The following SNTG1 variants were observed in gnomAD, a reference collection of about 807,000 sequenced individuals.
The protein encoded by SNTG1 is syntrophin gamma 1.
A neutral mutation model predicts 74.7 loss-of-function variants in SNTG1; 39 were observed. The ratio of observed to expected loss-of-function variants is 0.52; its 90% confidence interval spans 0.40 to 0.68. SNTG1 has a LOEUF of 0.68. Ranked by LOEUF, SNTG1 falls within the 30% of genes least tolerant of loss-of-function variation. The pLI is 0.00. For missense variants in SNTG1, 685 were observed against 609.5 expected (o/e 1.12, Z -1.30); for synonymous variants, 254 against 217.1 (o/e 1.17, Z -1.49).
In SNTG1 at chr8:50,624,884, T is replaced by C. The variant is rs552763645; in HGVS notation, c.850-32025T>C. ...AGACACAAGGAAAGTGACTCTGTCT[T>C]CCACACGGAGACGTTCATAGAGTCA... is the stretch of plus-strand genomic sequence containing the variant. On this transcript the variant is annotated intron_variant, in intron 13 of 18. Transcript: ENST00000642720. 3.9e-5 allele frequency among the ~76,000 whole-genome samples: 6 copies of C among 152,260 alleles called. No homozygotes were observed. In the South Asian group the frequency reaches 1.2e-3, roughly 32 times the overall value.
chr8:49,996,868 C>T (rs1435745668), intron 1 of SNTG1, among the ~76,000 whole-genome samples: 4 of 152,042 alleles, frequency 2.6e-5, no homozygotes, highest in Non-Finnish European at 4.4e-5. Flanking sequence ...TAGATTGTGG[C>T]AATCCTGGAA....
intron 1 of SNTG1, among the ~76,000 whole-genome samples, chr8:49,969,856 CT>C (rs1267161644): frequency 2.0e-5 from 3 of 151,890 alleles, no homozygotes; most frequent in Admixed American, 2.0e-4. Flanking sequence ...TTCACTCTTC[CT>C]CAGCCACACT....
At chr8:50,550,062 G>T (rs1370510309) in intron 11 of SNTG1, among the ~76,000 whole-genome samples, 1 of 152,130 alleles carries the variant, frequency 6.6e-6, no homozygotes, top group African/African-American at 2.4e-5. Flanking sequence ...GAACTAAGTT[G>T]CTTCATCTTC....
intron 4 of SNTG1, 56 bp downstream of exon 4, chr8:50,402,400 A>G: frequency 6.5e-7 from 1 of 1,539,078 alleles, no homozygotes; most frequent in Non-Finnish European, 8.7e-7. Flanking sequence ...GTTAATAAAA[A>G]TGTTTATTCA....
intron 18 of SNTG1, among the ~76,000 whole-genome samples, chr8:50,778,425 G>C (rs374389415): frequency 0.02 from 3,001 of 151,862 alleles, 91 homozygotes; most frequent in African/African-American, 0.065. Flanking sequence ...TCTCATTGTG[G>C]TTTTGATTTG....
intron 13 of SNTG1, among the ~76,000 whole-genome samples, chr8:50,646,382 T>C (rs1396691919): frequency 6.6e-6 from 1 of 152,184 alleles, no homozygotes; most frequent in Non-Finnish European, 1.5e-5. Flanking sequence ...AATTTGCATT[T>C]CCAATAGGTT....
intron 1 of SNTG1, among the ~76,000 whole-genome samples, chr8:50,132,221 A>G (rs187515829): frequency 4.5e-4 from 68 of 152,324 alleles, no homozygotes; most frequent in Non-Finnish European, 6.3e-4. Context: ...AAAAAGTCAT[A>G]TAATTTTTTA....
chr8:50,660,362 G>GAA (rs1563708214), intron 15 of SNTG1, among the ~76,000 whole-genome samples: 51 of 131,452 alleles, frequency 3.9e-4, no homozygotes, highest in African/African-American at 1.6e-3. Context: ...GAAAGAAAGA[G>GAA]AGAGAGAGAA....
intron 15 of SNTG1, among the ~76,000 whole-genome samples, chr8:50,678,668 C>G (rs1256800898): frequency 1.4e-4 from 22 of 152,176 alleles, no homozygotes; most frequent in African/African-American, 3.9e-4. Context: ...TTCAGCCAAA[C>G]TTTATCTGAA....
intron 2 of SNTG1, among the ~76,000 whole-genome samples, chr8:50,186,660 C>T (rs1014013776): frequency 3.3e-5 from 5 of 151,684 alleles, no homozygotes; most frequent in African/African-American, 1.2e-4. Context: ...TTGTTGGCGG[C>T]ATAAATGTCT....
At chr8:50,621,681 C>T (rs996640552) in intron 13 of SNTG1, among the ~76,000 whole-genome samples, 4 of 152,100 alleles carry the variant, frequency 2.6e-5, no homozygotes, top group African/African-American at 9.7e-5. Context: ...CTCATTAATG[C>T]ATTATCCTGA....
At chr8:50,495,639 AACAGTAACAGCTCTTGTG>A (rs1471572959) in intron 8 of SNTG1, among the ~76,000 whole-genome samples, 4 of 152,170 alleles carry the variant, frequency 2.6e-5, no homozygotes, top group African/African-American at 4.8e-5. Context: ...TTTCCAATCC[AACAGTAACAGCTCTTGTG>A]AATATTACAG....
chr8:50,366,691 AT>A (rs889527614), intron 2 of SNTG1, among the ~76,000 whole-genome samples: 13 of 146,670 alleles, frequency 8.9e-5, no homozygotes, highest in Non-Finnish European at 1.9e-4. Flanking sequence ...TTTTATATAT[AT>A]TTTATATAAT....
chr8:50,788,887 G>A (rs1050384610), intron 18 of SNTG1, among the ~76,000 whole-genome samples: 2 of 151,864 alleles, frequency 1.3e-5, no homozygotes, highest in Non-Finnish European at 2.9e-5. Context: ...TCCATGTCCA[G>A]CCTCTCCATT....
chr8:50,508,997 T>A (rs2094037900), intron 9 of SNTG1, among the ~76,000 whole-genome samples: 2 of 152,330 alleles, frequency 1.3e-5, no homozygotes, highest in South Asian at 4.1e-4. Flanking sequence ...TCCTTGCCCA[T>A]GCCTATGTCC....
chr8:50,400,347 C>CT (rs1273564052), intron 3 of SNTG1, among the ~76,000 whole-genome samples: 1 of 152,056 alleles, frequency 6.6e-6, no homozygotes, highest in Non-Finnish European at 1.5e-5. Flanking sequence ...AATTTTATTC[C>CT]TTTTTTATGG....
At chr8:50,536,542 T>A (rs1163959484) in intron 10 of SNTG1, 136 bp from the exon 11 acceptor site, 1 of 1,038,694 alleles carries the variant, frequency 9.6e-7, no homozygotes. Flanking sequence ...AATTTGGACT[T>A]CTTCTCATGG....
At chr8:50,138,460 A>C (rs987236462) in intron 1 of SNTG1, among the ~76,000 whole-genome samples, 1 of 149,056 alleles carries the variant, frequency 6.7e-6, no homozygotes, top group Non-Finnish European at 1.5e-5. Context: ...TCTACTAATA[A>C]AAAAAAAATA....
chr8:50,781,358 T>A (rs544660301), intron 18 of SNTG1, among the ~76,000 whole-genome samples: 1 of 152,290 alleles, frequency 6.6e-6, no homozygotes, highest in South Asian at 2.1e-4. Flanking sequence ...TGTAGGTCAC[T>A]CAGGACTTGC....
Sources: allele counts gnomAD v4.1 joint callset (sites outside exome capture counted in the v4.1 genomes callset), GRCh38; gene constraint gnomAD v4.1.1; transcripts MANE v1.5; gene names NCBI Gene and HGNC (gene_info 2026-07-23, HGNC 2026-07-21).